LHFPL6: variants seen among roughly 807,000 people sequenced by gnomAD.
LHFPL6 encodes LHFPL tetraspan subfamily member 6 protein.
Under a neutral mutation model 20.6 loss-of-function variants are expected in LHFPL6, and 9 were observed. The ratio of observed to expected loss-of-function variants is 0.44; its 90% CI spans 0.26 to 0.76. The LOEUF is 0.76. Ranked by LOEUF, LHFPL6 falls within the 30% of genes least tolerant of loss-of-function variation. The pLI, the probability that LHFPL6 is intolerant of heterozygous loss-of-function variation, is 0.20. For missense variants in LHFPL6, 218 were observed against 253.5 expected, an observed-to-expected ratio of 0.86 and a Z score of 0.95; for synonymous variants, 105 against 98.7, an observed-to-expected ratio of 1.06 and a Z score of -0.38.
intron 3 of LHFPL6, among the ~76,000 whole-genome samples, chr13:39,369,163 A>G (rs1370326044): frequency 6.6e-6 from 1 of 151,612 alleles, no homozygotes; most frequent in East Asian, 1.9e-4. Context: ...TCTCCCCAAT[A>G]GTTTTGTAAC....
intron 3 of LHFPL6, among the ~76,000 whole-genome samples, chr13:39,371,392 A>G (rs1018464122): frequency 6.6e-6 from 1 of 152,378 alleles, no homozygotes; most frequent in Non-Finnish European, 1.5e-5. Flanking sequence ...CTTATGCTTA[A>G]TGGGTAAACC....
chr13:39,514,246 A>G (rs1205843754), intron 2 of LHFPL6, among the ~76,000 whole-genome samples: 2 of 152,098 alleles, frequency 1.3e-5, no homozygotes, highest in Non-Finnish European at 2.9e-5. Context: ...CTGGTTATGA[A>G]TGAATTAACA....
intron 2 of LHFPL6, among the ~76,000 whole-genome samples, chr13:39,401,434 T>C (rs1484337099): frequency 6.6e-6 from 1 of 152,204 alleles, no homozygotes; most frequent in Non-Finnish European, 1.5e-5. Context: ...TGGGAAATGA[T>C]GACCTCACTG....
Position 39,600,852 on chromosome 13 carries a change from C to A in LHFPL6, c.365G>T (p.Gly122Val). 1 of 1,494,696 alleles carries A rather than the reference C, an allele frequency of 6.7e-7. No individual in the cohort carries two copies. Among genetic ancestry groups the A allele is most frequent in the Non-Finnish European group, 8.9e-7 (1 of 1,118,636 alleles). 92.6% of individuals were successfully genotyped at this position (1,494,696 alleles called of 1,614,324 possible). ...CTTACCCCCAAGAAACTGAATTCCT[C>A]CAGCCACTCTTCCCACTGTCCTGGA... ...LISRTVGRVA[G>V]GIQFLGGLLI... Residue 122 changes from glycine (G) to valine (V), a missense_variant, in exon 2 of 4, where the codon GGA (glycine) becomes GTA (valine). Gly to Val is a moderately radical substitution (Grantham distance 109). Coordinates refer to ENST00000379589, the MANE Select transcript of LHFPL6 (RefSeq NM_005780.3).
intron 2 of LHFPL6, among the ~76,000 whole-genome samples, chr13:39,562,812 C>T (rs1337918478): frequency 1.3e-5 from 2 of 151,616 alleles, no homozygotes; most frequent in African/African-American, 2.4e-5. Flanking sequence ...AGGTAAGACA[C>T]AGAAAAAGAC....
chr13:39,581,248 C>G (rs1872273015), intron 2 of LHFPL6, among the ~76,000 whole-genome samples: 1 of 152,140 alleles, frequency 6.6e-6, no homozygotes, highest in African/African-American at 2.4e-5. Flanking sequence ...CTCATCTGGA[C>G]TGCAAGATTA....
At chr13:39,504,516 C>T (rs1272675293) in intron 2 of LHFPL6, among the ~76,000 whole-genome samples, 1 of 152,192 alleles carries the variant, frequency 6.6e-6, no homozygotes, top group African/African-American at 2.4e-5. Context: ...GATCAAGATG[C>T]TGGCAGGTTT....
chr13:39,563,426 A>G (rs1459175744), intron 2 of LHFPL6, among the ~76,000 whole-genome samples: 2 of 152,200 alleles, frequency 1.3e-5, no homozygotes, highest in African/African-American at 4.8e-5. Flanking sequence ...AAGCAAGCAT[A>G]TTCCTAAGTG....
At chr13:39,511,942 A>G (rs1360536595) in intron 2 of LHFPL6, among the ~76,000 whole-genome samples, 1 of 152,186 alleles carries the variant, frequency 6.6e-6, no homozygotes. Context: ...TCTGAAAGTT[A>G]TATTTCTTAC....
chr13:39,562,417 C>CATATACATATATATACATATATACAT (rs1555268242), intron 2 of LHFPL6, among the ~76,000 whole-genome samples: 1 of 57,900 alleles, frequency 1.7e-5, no homozygotes, highest in African/African-American at 5.2e-5. Context: ...CACATATACA[C>CATATACATATATATACATATATACAT]ATATACATAT....
chr13:39,485,941 G>A (rs956671457), intron 2 of LHFPL6, among the ~76,000 whole-genome samples: 7 of 152,066 alleles, frequency 4.6e-5, no homozygotes, highest in Non-Finnish European at 8.8e-5. Flanking sequence ...TGCAAACAAG[G>A]TTTCCAATCC....
intron 2 of LHFPL6, among the ~76,000 whole-genome samples, chr13:39,583,044 T>A (rs1367921036): frequency 6.6e-6 from 1 of 152,074 alleles, no homozygotes; most frequent in Non-Finnish European, 1.5e-5. Flanking sequence ...GTGCGGTGAT[T>A]AAAACAGACC....
At chr13:39,397,729 G>C (rs890924059) in intron 2 of LHFPL6, among the ~76,000 whole-genome samples, 1 of 152,078 alleles carries the variant, frequency 6.6e-6, no homozygotes, top group Non-Finnish European at 1.5e-5. Context: ...TGGGAGCTTC[G>C]GAAAGAAGCT....
intron 2 of LHFPL6, among the ~76,000 whole-genome samples, chr13:39,535,351 T>A (rs543147206): frequency 5.4e-4 from 83 of 152,366 alleles, no homozygotes; most frequent in African/African-American, 2.0e-3. Flanking sequence ...TCTCCTCTTT[T>A]TGCTCCAAGC....
At chr13:39,491,962 T>C (rs969285580) in intron 2 of LHFPL6, among the ~76,000 whole-genome samples, 4 of 152,216 alleles carry the variant, frequency 2.6e-5, no homozygotes, top group Admixed American at 6.5e-5. Context: ...AAATTTACAT[T>C]ACTTTTGATA....
At chr13:39,486,066 G>A (rs1232293637) in intron 2 of LHFPL6, among the ~76,000 whole-genome samples, 7 of 152,076 alleles carry the variant, frequency 4.6e-5, no homozygotes, top group Non-Finnish European at 7.4e-5. Flanking sequence ...AGTAAGGGTC[G>A]AACCTAAGAC....
intron 2 of LHFPL6, among the ~76,000 whole-genome samples, chr13:39,404,572 G>A (rs1198415601): frequency 2.0e-5 from 3 of 152,128 alleles, no homozygotes; most frequent in African/African-American, 7.2e-5. Flanking sequence ...AAAAAGCAAT[G>A]TTTTTAAAGA....
chr13:39,580,375 T>C (rs1872245409), intron 2 of LHFPL6, among the ~76,000 whole-genome samples: 1 of 152,248 alleles, frequency 6.6e-6, no homozygotes. Flanking sequence ...ATATATCTAG[T>C]AACACAGTAT....
At chr13:39,551,910 T>C (rs926303513) in intron 2 of LHFPL6, among the ~76,000 whole-genome samples, 1 of 152,218 alleles carries the variant, frequency 6.6e-6, no homozygotes, top group Non-Finnish European at 1.5e-5. Context: ...TTTTAGGTTT[T>C]CAGTTACTAA....
Sources: gnomAD v4.1 joint callset for allele counts (sites outside exome capture counted in the v4.1 genomes callset) on GRCh38, gnomAD v4.1.1 for gene constraint, MANE v1.5 for transcripts, NCBI Gene and HGNC (gene_info 2026-07-23, HGNC 2026-07-21) for gene names.